The following PSD3 variants were observed in gnomAD, a reference collection of about 807,000 sequenced individuals.
PSD3 encodes PH and SEC7 domain-containing protein 3.
PSD3 carries 49 observed loss-of-function variants against 105.5 expected under a neutral mutation model. That is an observed-to-expected ratio of 0.46 (90% CI 0.37 to 0.59). The LOEUF (loss-of-function observed/expected upper bound fraction) is 0.59. PSD3 is among the 20% of genes least tolerant of loss of function. The pLI, the probability that PSD3 is intolerant of heterozygous loss-of-function variation, is 0.00. For synonymous variants in PSD3, 557 were observed against 457.8 expected, an observed-to-expected ratio of 1.22 and a Z score of -2.77; for missense variants, 1,561 against 1,263.8, an observed-to-expected ratio of 1.24 and a Z score of -3.57.
chr8:18,741,742 A>T (rs1804588747), intron 9 of PSD3, among the ~76,000 whole-genome samples: 1 of 148,632 alleles, frequency 6.7e-6, no homozygotes, highest in Non-Finnish European at 1.5e-5. Flanking sequence ...TAAGCTCTCC[A>T]GAGACTGTGA....
At chr8:18,946,382 C>T (rs571214077) in intron 1 of PSD3, among the ~76,000 whole-genome samples, 1 of 151,954 alleles carries the variant, frequency 6.6e-6, no homozygotes, top group African/African-American at 2.4e-5. Flanking sequence ...TGGAGACTAG[C>T]CTGTGCAATA....
chr8:18,812,499 T>C (rs1179942868), intron 4 of PSD3, among the ~76,000 whole-genome samples: 1 of 152,116 alleles, frequency 6.6e-6, no homozygotes, highest in African/African-American at 2.4e-5. Flanking sequence ...CAGGGGGTAA[T>C]GCATGTGCCA....
In PSD3 at chr8:18,550,128, T is replaced by C. The variant is rs938656902; in HGVS notation, c.2928+6081A>G. ...ACCCTTATCAGAGCAGGCATTTCAG[T>C]AAATGATTGATGAAGGAGGGATTTA... On this transcript the variant is annotated intron_variant, in intron 15 of 15. Transcript: ENST00000327040. Among the ~76,000 whole-genome samples the C allele has an allele frequency of 6.3e-4, 96 of 152,352 alleles. 1 individual carries two copies. The highest frequency in any genetic ancestry group is 2.3e-3 in the African/African-American group (96 of 41,584).
At chr8:19,059,380 A>AAAAAGGAGAGCTCATGAGAAGC (rs1828817201) in intron 1 of PSD3, among the ~76,000 whole-genome samples, 1 of 152,148 alleles carries the variant, frequency 6.6e-6, no homozygotes, top group African/African-American at 2.4e-5. Context: ...CTCAAAGGAA[A>AAAAAGGAGAGCTCATGAGAAGC]AAAAGGAGAG....
chr8:18,891,089 TCA>T (rs1484622369), intron 2 of PSD3, among the ~76,000 whole-genome samples: 1 of 152,132 alleles, frequency 6.6e-6, no homozygotes, highest in Non-Finnish European at 1.5e-5. Context: ...GCTTGCTACA[TCA>T]CACACACCCA....
At chr8:18,982,421 T>C (rs1463031297) in intron 1 of PSD3, among the ~76,000 whole-genome samples, 1 of 152,250 alleles carries the variant, frequency 6.6e-6, no homozygotes, top group Non-Finnish European at 1.5e-5. Context: ...GAATCACAAA[T>C]GTTCTTAATG....
At chr8:18,589,023 C>G (rs2717740) in intron 12 of PSD3, among the ~76,000 whole-genome samples, 127,623 of 152,186 alleles carry the variant, frequency 0.84, 54,316 homozygotes, top group South Asian at 0.96. Flanking sequence ...AAAGAAGTGA[C>G]CCAAGAGAGT....
chr8:18,676,146 T>C (rs1409138878), intron 9 of PSD3, among the ~76,000 whole-genome samples: 2 of 152,176 alleles, frequency 1.3e-5, no homozygotes, highest in South Asian at 2.1e-4. Context: ...TTCCTTTCCC[T>C]GGATTCTGAA....
chr8:18,575,329 G>C (rs1420063615), intron 12 of PSD3, 44 bp from the exon 13 acceptor site: 1 of 1,468,750 alleles, frequency 6.8e-7, no homozygotes, highest in East Asian at 2.5e-5. Flanking sequence ...ATCACGATCA[G>C]ATTTCAACTT....
At chr8:18,646,010 G>C (rs1808010523) in intron 10 of PSD3, among the ~76,000 whole-genome samples, 1 of 151,840 alleles carries the variant, frequency 6.6e-6, no homozygotes, top group African/African-American at 2.4e-5. Context: ...CCATTGTCCA[G>C]CTTAATATTT....
At chr8:19,073,527 G>A (rs1478856740) in intron 1 of PSD3, among the ~76,000 whole-genome samples, 1 of 121,160 alleles carries the variant, frequency 8.3e-6, no homozygotes, top group African/African-American at 3.1e-5. Context: ...CTCCAGCCTG[G>A]GCGACAGAGT....
chr8:18,733,192 G>A (rs1213704672), intron 9 of PSD3: 1 of 152,182 alleles, frequency 6.6e-6, no homozygotes, highest in Non-Finnish European at 1.5e-5. Flanking sequence ...AATGCTACAA[G>A]GATTTGGTAC....
chr8:18,987,740 G>A (rs749646715), intron 1 of PSD3, among the ~76,000 whole-genome samples: 1 of 152,018 alleles, frequency 6.6e-6, no homozygotes, highest in Non-Finnish European at 1.5e-5. Context: ...AATCACCTGA[G>A]CCCAAGAGGC....
chr8:18,954,307 C>G (rs1823421035), intron 1 of PSD3, among the ~76,000 whole-genome samples: 1 of 151,890 alleles, frequency 6.6e-6, no homozygotes, highest in Non-Finnish European at 1.5e-5. Context: ...TGAATTTGAC[C>G]TCATCAGTAA....
At chr8:18,577,699 C>G (rs963365691) in intron 12 of PSD3, among the ~76,000 whole-genome samples, 1 of 152,016 alleles carries the variant, frequency 6.6e-6, no homozygotes, top group Non-Finnish European at 1.5e-5. Flanking sequence ...TATTCCTCAC[C>G]CACATCAACA....
intron 12 of PSD3, among the ~76,000 whole-genome samples, chr8:18,585,101 G>A (rs1181169057): frequency 6.6e-6 from 1 of 152,094 alleles, no homozygotes; most frequent in Non-Finnish European, 1.5e-5. Flanking sequence ...GCCTTGCCTG[G>A]CACTAGTGCT....
chr8:18,775,422 A>G (rs1807960851), intron 8 of PSD3, among the ~76,000 whole-genome samples: 1 of 152,190 alleles, frequency 6.6e-6, no homozygotes, highest in African/African-American at 2.4e-5. Flanking sequence ...TAGTTTTTCA[A>G]TGAGCATTCA....
Position 18,841,114 on chromosome 8 carries a change from C to A in PSD3, c.1634+26560G>T, listed in dbSNP as rs145761451. The stretch of plus-strand genomic sequence containing the variant: ...TTCAGTTGGGTAAAAATCAAGTTTA[C>A]AACCCAAACCACCTACTAAGCCTGC... On this transcript the variant is annotated intron_variant, in intron 4 of 15. Transcript: ENST00000327040. Among the ~76,000 whole-genome samples, 27 of 152,306 alleles carry A rather than the reference C, an allele frequency of 1.8e-4. No individual in the cohort carries two copies. The East Asian group carries it at 4.4e-3, about 25-fold the overall frequency.
chr8:18,633,706 G>C (rs1807058586), intron 10 of PSD3, among the ~76,000 whole-genome samples: 1 of 152,074 alleles, frequency 6.6e-6, no homozygotes, highest in South Asian at 2.1e-4. Flanking sequence ...ACTGTGAATA[G>C]GGCTGCAATA....
Sources: gnomAD v4.1 joint callset for allele counts (sites outside exome capture counted in the v4.1 genomes callset) on GRCh38, gnomAD v4.1.1 for gene constraint, MANE v1.5 for transcripts, NCBI Gene and HGNC (gene_info 2026-07-23, HGNC 2026-07-21) for gene names.